The following DGCR8 variants were observed in gnomAD, a reference collection of about 807,000 sequenced individuals.
DGCR8 encodes the protein DGCR8 microprocessor complex subunit.
DGCR8 carries 14 observed loss-of-function variants against 78.5 expected under a neutral mutation model. The ratio of observed to expected loss-of-function variants is 0.18; its 90% CI spans 0.12 to 0.28. The LOEUF is 0.28. Ranked by LOEUF, DGCR8 falls within the 10% of genes least tolerant of loss-of-function variation. The pLI is 1.00. For synonymous variants in DGCR8, 399 were observed against 402.4 expected (o/e 0.99, Z 0.10); for missense variants, 702 against 1,022.5 (o/e 0.69, Z 4.28).
At position 20,086,364 on chromosome 22, in the gene DGCR8, A is replaced by G. The variant is rs780100516; in HGVS notation, c.401A>G (p.Lys134Arg). Residue 134 changes from lysine (K) to arginine (R), a missense_variant, in exon 2 of 14, where the codon AAG becomes AGG. Transcript: ENST00000351989. The surrounding 1 kb of genome is among the most constrained non-coding windows in gnomAD (Gnocchi z 6.4). ...GAGAGCTGCAGGAGTAAGGACAGGA[A>G]GGTGCTGTACACAGGAGCAGAGCGC... The part of the protein sequence containing the change: ...FTESCRSKDR[K>R]VLYTGAERDV... 12 of 1,614,012 alleles carry G rather than the reference A, an allele frequency of 7.4e-6. No homozygotes were observed. In the South Asian group the frequency reaches 1.2e-4, roughly 16 times the overall value.
intron 1 of DGCR8, among the ~76,000 whole-genome samples, chr22:20,084,662 G>C (rs2049457341): frequency 6.6e-6 from 1 of 152,198 alleles, no homozygotes; most frequent in Non-Finnish European, 1.5e-5. Context: ...CTCCTCGCCA[G>C]GCTCCTGCCT....
chr22:20,110,199 C>T lies in DGCR8; in HGVS notation c.*91C>T. 7.4e-7 allele frequency: 1 copy of T among 1,351,336 alleles called. No individual in the cohort carries two copies. Among genetic ancestry groups the T allele is most frequent in the South Asian group, 1.2e-5 (1 of 82,728 alleles). The allele number at this position is 1,351,336 out of a possible 1,614,324, so 83.7% of individuals were successfully genotyped here. ...CATCGTGCACCACAGTGTCAGGCCT[C>T]CAACCCACGCTCCTTCCCTGTGGCC... On this transcript the variant is annotated 3_prime_UTR_variant, in exon 14 of 14. Transcript: ENST00000351989.
chr22:20,108,698 T>C, intron 12 of DGCR8, 192 bp from the exon 13 acceptor site: 1 of 456,394 alleles, frequency 2.2e-6, no homozygotes, highest in Non-Finnish European at 4.1e-6. Context: ...TCTCTGCTGC[T>C]GTCAGTGGGC....
chr22:20,090,189 G>T lies in DGCR8; in HGVS notation c.1237G>T (p.Ala413Ser). ...GPPDEKDPLG[A>S]EAAPGALGQV... ...CCCGGACGAGAAAGACCCACTAGGG[G>T]CTGAGGCAGCCCCTGGGGCCCTGGG... The change falls in exon 5 of 14, where the codon GCT becomes TCT. Residue 413 changes from alanine to serine, a missense_variant. Ala to Ser is a moderately conservative substitution (Grantham distance 99). Around this residue, in one of 4 missense-constraint regions of DGCR8, gnomAD observed 119 missense variants for 126.1 expected, o/e 0.94. Transcript: ENST00000351989. The T allele has an allele frequency of 6.2e-7, 1 of 1,614,214 alleles. No individual in the cohort carries two copies. Among genetic ancestry groups the T allele is most frequent in the African/African-American group, 1.3e-5 (1 of 75,076 alleles).
At chr22:20,081,485 C>A (rs2049417611) in intron 1 of DGCR8, among the ~76,000 whole-genome samples, 1 of 152,224 alleles carries the variant, frequency 6.6e-6, no homozygotes, top group Non-Finnish European at 1.5e-5. Context: ...GCAGAGAGCT[C>A]CCCTTTGAGC....
chr22:20,094,730 A>G lies in DGCR8; in HGVS notation c.1723A>G (p.Ile575Val). The part of the protein sequence containing the change: ...KNKAARATLE[I>V]LIPDFVKQTS... Reference sequence around the variant, plus strand: ...TTTCATAGCCCGAGCTACACTGGAAATCCTCATCCCTGACTTTGTTAAACA... The same window carrying G: ...TTTCATAGCCCGAGCTACACTGGAAGTCCTCATCCCTGACTTTGTTAAACA... Residue 575 changes from isoleucine (I) to valine (V), a missense_variant, in exon 9 of 14, where the codon ATC becomes GTC. Ile to Val is a conservative substitution (Grantham distance 29). Coordinates refer to ENST00000351989, the MANE Select transcript of DGCR8 (RefSeq NM_022720.7). The G allele has an allele frequency of 1.2e-6, 2 of 1,614,146 alleles. No individual in the cohort carries two copies. Among genetic ancestry groups the G allele is most frequent in the East Asian group, 4.5e-5 (2 of 44,876 alleles).
Position 20,085,676 on chromosome 22 carries a change from T to G in DGCR8, c.-277-11T>G. ...GTCATTTTGTGACGATATTTTTAAA[T>G]TTCTTTGCAGGTAGAAGAAGAAAGG... is the stretch of plus-strand genomic sequence containing the variant. On this transcript the variant is annotated splice_polypyrimidine_tract_variant and intron_variant, in intron 1 of 13. Transcript: ENST00000351989. This position sits in a 1 kb window ranked among gnomAD's most constrained non-coding sequence, Gnocchi z 6.2. 7.8e-7 allele frequency: 1 copy of G among 1,286,530 alleles called. No homozygotes were observed. The allele number at this position is 1,286,530 out of a possible 1,614,324, so 79.7% of individuals were successfully genotyped here. A position where few individuals can be genotyped will look rare whatever the true frequency, so the allele number is the denominator to read the frequency against.
Position 20,106,699 on chromosome 22 carries a change from G to T in DGCR8, c.1996+1G>T. 6.2e-7 allele frequency: 1 copy of T among 1,609,846 alleles called. No homozygotes were observed. The highest frequency in any genetic ancestry group is 8.5e-7 in the Non-Finnish European group (1 of 1,176,132). ...GGCAAGCACACAGTGCGCGGGTGGT[G>T]TAAGGACTCCTTCTCTGCTGCCTGG... is the stretch of plus-strand genomic sequence containing the variant. On this transcript the variant is annotated splice_donor_variant, in intron 11 of 13. Transcript: ENST00000351989. LOFTEE classifies it high-confidence loss of function.
intron 13 of DGCR8, among the ~76,000 whole-genome samples, chr22:20,109,791 C>T (rs2049813292): frequency 6.6e-6 from 1 of 152,222 alleles, no homozygotes; most frequent in Non-Finnish European, 1.5e-5. Flanking sequence ...GTCCTGATTG[C>T]CAGGGAGGCT....
Position 20,091,556 on chromosome 22 carries a change from G to A in DGCR8, c.1428G>A (p.Ala476=), listed in dbSNP as rs772124676. 9 of 1,614,084 alleles carry A rather than the reference G, an allele frequency of 5.6e-6. No homozygotes were observed. The highest frequency in any genetic ancestry group is 5.0e-5 in the Admixed American group (3 of 60,008). Residue 476 remains alanine, a synonymous_variant, in exon 6 of 14, where the codon GCG becomes GCA. Coordinates refer to ENST00000351989, the MANE Select transcript of DGCR8 (RefSeq NM_022720.7). Reference sequence around the variant, plus strand: ...ATCGGGAAATGAAGCGGAAGCAGGCGGAGTCCGAGAGGCCCATCTTGCCAG... The same window carrying A: ...ATCGGGAAATGAAGCGGAAGCAGGCAGAGTCCGAGAGGCCCATCTTGCCAG... ...QFNREMKRKQ[A]ESERPILPAN...
Position 20,110,970 on chromosome 22 carries a change from A to G in DGCR8, c.*862A>G. The G allele has an allele frequency of 2.5e-6, 1 of 394,256 alleles. No homozygotes were observed. 24.4% of individuals were successfully genotyped at this position (394,256 alleles called of 1,614,324 possible). ...ATTTTTAAAGCTTTTGTGATATTTT[A>G]GCATTTTGAAAGACTTTCACAGTGA... On this transcript the variant is annotated 3_prime_UTR_variant, in exon 14 of 14. Coordinates refer to ENST00000351989, the MANE Select transcript of DGCR8 (RefSeq NM_022720.7).
chr22:20,094,840 C>A, intron 9 of DGCR8, 45 bp downstream of exon 9: 1 of 1,551,118 alleles, frequency 6.4e-7, no homozygotes, highest in Non-Finnish European at 8.9e-7. Flanking sequence ...GTGTGCAGTG[C>A]GGCTACCCTG....
At chr22:20,109,584 C>T (rs908257562) in intron 13 of DGCR8, among the ~76,000 whole-genome samples, 24 of 152,224 alleles carry the variant, frequency 1.6e-4, no homozygotes, top group African/African-American at 5.5e-4. Flanking sequence ...TGGGGCTTGG[C>T]CTCCTGGAGC....
intron 1 of DGCR8, among the ~76,000 whole-genome samples, chr22:20,083,234 T>TTTG (rs2049437693): frequency 6.6e-6 from 1 of 152,086 alleles, no homozygotes; most frequent in Non-Finnish European, 1.5e-5. Flanking sequence ...CTTGTTTTGT[T>TTTG]TTTGCTTGAA....
intron 9 of DGCR8, among the ~76,000 whole-genome samples, chr22:20,095,200 G>A (rs1217676455): frequency 6.6e-6 from 1 of 152,084 alleles, no homozygotes; most frequent in African/African-American, 2.4e-5. Context: ...TCACCTCCCG[G>A]ATTCAAGTGA....
chr22:20,094,845 A>G (rs377459764), intron 9 of DGCR8, 50 bp downstream of exon 9: 64 of 1,531,428 alleles, frequency 4.2e-5, no homozygotes, highest in Non-Finnish European at 5.2e-5. Context: ...CAGTGCGGCT[A>G]CCCTGCCCTG....
intron 9 of DGCR8, among the ~76,000 whole-genome samples, chr22:20,103,397 ATTGT>A (rs1215695106): frequency 6.6e-6 from 1 of 152,040 alleles, no homozygotes; most frequent in East Asian, 1.9e-4. Context: ...GTTCCAATTG[ATTGT>A]TTATTGCTAG....
In DGCR8 at chr22:20,092,923, G is replaced by A. The variant is rs534512429; in HGVS notation, c.1705+16G>A. 7.5e-6 allele frequency: 12 copies of A among 1,605,806 alleles called. No individual in the cohort carries two copies. In the South Asian group the frequency reaches 1.1e-4, roughly 15 times the overall value. On this transcript the variant is annotated intron_variant, in intron 8 of 13. Coordinates refer to ENST00000351989, the MANE Select transcript of DGCR8 (RefSeq NM_022720.7). ...AATAAAGCTGGTAACGTGCTTGCTT[G>A]GGTGTCAAAGATACGTGCTGCCTGC... is the stretch of plus-strand genomic sequence containing the variant.
intron 5 of DGCR8, 64 bp downstream of exon 5, chr22:20,090,322 G>A: frequency 6.6e-7 from 1 of 1,512,642 alleles, no homozygotes; most frequent in South Asian, 1.3e-5. Context: ...TTTTTCTAAT[G>A]AAGGCCATAA....
Sources: gnomAD v4.1 joint callset for allele counts (sites outside exome capture counted in the v4.1 genomes callset) on GRCh38, gnomAD v4.1.1 for gene constraint, gnomAD v4.1.1 regional missense constraint, Gnocchi (gnomAD v3.1) non-coding constraint, MANE v1.5 for transcripts, NCBI Gene and HGNC (gene_info 2026-07-23, HGNC 2026-07-21) for gene names.